The following FCHSD2 variants were observed in gnomAD, a reference collection of about 807,000 sequenced individuals.
FCHSD2 encodes the protein F-BAR and double SH3 domains protein 2.
A neutral mutation model predicts 108.1 loss-of-function variants in FCHSD2; 38 were observed. The observed-to-expected ratio is 0.35, with a 90% CI of 0.27 to 0.46. The LOEUF (loss-of-function observed/expected upper bound fraction) is 0.46. FCHSD2 is among the 20% of genes least tolerant of loss of function. FCHSD2 has a pLI of 1.00. For missense variants in FCHSD2, 751 were observed against 897.8 expected (o/e 0.84, Z 2.09); for synonymous variants, 279 against 314.7 (o/e 0.89, Z 1.20).
At chr11:72,947,032 G>C (rs1856533850) in intron 8 of FCHSD2, among the ~76,000 whole-genome samples, 1 of 152,156 alleles carries the variant, frequency 6.6e-6, no homozygotes, top group Non-Finnish European at 1.5e-5. Flanking sequence ...TGCTTTCCCA[G>C]GCCCCAGGTG....
chr11:72,855,806 C>T (rs879833698), intron 13 of FCHSD2, among the ~76,000 whole-genome samples: 3 of 152,038 alleles, frequency 2.0e-5, no homozygotes, highest in Non-Finnish European at 2.9e-5. Flanking sequence ...TATGAGCATA[C>T]GTATCTGACA....
intron 3 of FCHSD2, among the ~76,000 whole-genome samples, chr11:73,068,529 GTTA>G (rs1039552755): frequency 1.3e-5 from 2 of 151,834 alleles, no homozygotes; most frequent in Non-Finnish European, 2.9e-5. Context: ...GAAAAAAAAA[GTTA>G]TTATGAAAAC....
At chr11:73,007,891 G>C (rs778130413) in intron 4 of FCHSD2, among the ~76,000 whole-genome samples, 5 of 152,216 alleles carry the variant, frequency 3.3e-5, no homozygotes, top group Non-Finnish European at 7.3e-5. Flanking sequence ...GGTGGGGAAT[G>C]TAAGAGCACT....
At chr11:72,957,250 T>C (rs1250808517) in intron 8 of FCHSD2, among the ~76,000 whole-genome samples, 1 of 141,852 alleles carries the variant, frequency 7.0e-6, no homozygotes, top group Non-Finnish European at 1.5e-5. Context: ...GATCTCATTG[T>C]TCAATTCCCA....
chr11:73,041,338 T>C (rs780053040), intron 3 of FCHSD2, among the ~76,000 whole-genome samples: 2 of 152,236 alleles, frequency 1.3e-5, no homozygotes, highest in Non-Finnish European at 1.5e-5. Context: ...TAATTTACAT[T>C]CCTACCAACA....
chr11:73,054,121 T>C (rs981373746), intron 3 of FCHSD2, among the ~76,000 whole-genome samples: 1 of 152,110 alleles, frequency 6.6e-6, no homozygotes, highest in Non-Finnish European at 1.5e-5. Flanking sequence ...TGTTTGCCAA[T>C]TGTCTATGGC....
chr11:72,991,279 A>T (rs1267480875), intron 5 of FCHSD2, among the ~76,000 whole-genome samples: 2 of 152,220 alleles, frequency 1.3e-5, no homozygotes, highest in African/African-American at 4.8e-5. Flanking sequence ...ATTCTACCAG[A>T]GGTACAAGGA....
chr11:72,999,608 C>A (rs1857585466), intron 5 of FCHSD2, among the ~76,000 whole-genome samples: 1 of 152,116 alleles, frequency 6.6e-6, no homozygotes, highest in South Asian at 2.1e-4. Context: ...GCGTGAGCCA[C>A]CACACCCGGC....
At chr11:72,989,565 C>T (rs1857372161) in intron 5 of FCHSD2, among the ~76,000 whole-genome samples, 2 of 152,138 alleles carry the variant, frequency 1.3e-5, no homozygotes, top group Non-Finnish European at 2.9e-5. Context: ...AGTAGTCTGA[C>T]TTGGTAAGTC....
chr11:72,838,917 C>T lies in FCHSD2; in HGVS notation c.2140-43G>A, dbSNP rs745310383. On this transcript the variant is annotated intron_variant, in intron 19 of 19. Coordinates refer to ENST00000409418, the MANE Select transcript of FCHSD2 (RefSeq NM_014824.3). ...ACGTAGTTTGTCAGTCAGTTCCTGACTCAGTATCTGAAGCATCCCCAAAAC... is the reference window on the plus strand; with the variant it reads ...ACGTAGTTTGTCAGTCAGTTCCTGATTCAGTATCTGAAGCATCCCCAAAAC... 3.2e-6 allele frequency: 5 copies of T among 1,545,344 alleles called. 1 individual carries two copies. The South Asian group carries it at 3.5e-5, about 11-fold the overall frequency.
chr11:72,851,101 CAA>C (rs55916551), intron 13 of FCHSD2, among the ~76,000 whole-genome samples: 1 of 70,110 alleles, frequency 1.4e-5, no homozygotes, highest in African/African-American at 6.1e-5. Context: ...GACTCTGTCT[CAA>C]AAAAAAAAAA....
intron 5 of FCHSD2, among the ~76,000 whole-genome samples, chr11:72,989,706 GT>G (rs964689102): frequency 9.9e-5 from 15 of 152,172 alleles, no homozygotes; most frequent in African/African-American, 3.6e-4. Context: ...CTAAAACAAT[GT>G]TTAATCAATT....
intron 4 of FCHSD2, among the ~76,000 whole-genome samples, chr11:73,007,525 T>C (rs967830089): frequency 6.6e-6 from 1 of 151,816 alleles, no homozygotes; most frequent in Non-Finnish European, 1.5e-5. Flanking sequence ...TGTGGAAGGA[T>C]CACTTGGATC....
chr11:73,044,692 T>C (rs535830314), intron 3 of FCHSD2, among the ~76,000 whole-genome samples: 2 of 152,266 alleles, frequency 1.3e-5, no homozygotes, highest in East Asian at 3.9e-4. Flanking sequence ...ATTAGGCAAA[T>C]GCTGGGTAAA....
At chr11:73,036,152 G>T (rs1028773825) in intron 3 of FCHSD2, among the ~76,000 whole-genome samples, 1 of 152,106 alleles carries the variant, frequency 6.6e-6, no homozygotes, top group Non-Finnish European at 1.5e-5. Context: ...GTAAAACTGG[G>T]ATTAGAACAT....
At chr11:73,094,609 T>C (rs117437316) in intron 2 of FCHSD2, among the ~76,000 whole-genome samples, 2,811 of 152,302 alleles carry the variant, frequency 0.018, 35 homozygotes, top group Non-Finnish European at 0.031. Flanking sequence ...ACTTCATTTT[T>C]GCTACGATAC....
intron 8 of FCHSD2, among the ~76,000 whole-genome samples, chr11:72,950,399 T>C (rs749835172): frequency 1.2e-4 from 19 of 152,182 alleles, no homozygotes; most frequent in Non-Finnish European, 2.6e-4. Flanking sequence ...TGAGAAACTG[T>C]TGCCTATTCT....
At chr11:73,109,976 C>T (rs1435740143) in intron 2 of FCHSD2, among the ~76,000 whole-genome samples, 4 of 152,016 alleles carry the variant, frequency 2.6e-5, no homozygotes, top group South Asian at 2.1e-4. Context: ...ATTCTTGATA[C>T]GATGTATCAT....
chr11:72,952,231 G>A (rs577155394), intron 8 of FCHSD2, among the ~76,000 whole-genome samples: 7 of 152,078 alleles, frequency 4.6e-5, no homozygotes, highest in African/African-American at 1.7e-4. Flanking sequence ...TATGGCCTAT[G>A]AAGGAAAACA....
Sources: gnomAD v4.1 joint callset for allele counts (sites outside exome capture counted in the v4.1 genomes callset) on GRCh38, gnomAD v4.1.1 for gene constraint, MANE v1.5 for transcripts, NCBI Gene and HGNC (gene_info 2026-07-23, HGNC 2026-07-21) for gene names.